Variants in LUC7L observed in about 807,000 individuals in gnomAD.
The protein encoded by LUC7L is LUC7 like.
Under a neutral mutation model 51.1 loss-of-function variants are expected in LUC7L, and 29 were observed. The observed-to-expected ratio is 0.57, with a 90% confidence interval of 0.42 to 0.77. LUC7L has a LOEUF of 0.77. LUC7L is among the 30% of genes least tolerant of loss of function. The probability of loss-of-function intolerance (pLI) is 0.00; values close to 1 mark genes in which losing one functional copy is unlikely to be tolerated. For synonymous variants in LUC7L, 181 were observed against 180.7 expected, an observed-to-expected ratio of 1.00 and a Z score of -0.01; for missense variants, 403 against 511.9, an observed-to-expected ratio of 0.79 and a Z score of 2.05.
chr16:222,640 ATTT>A (rs778095221), intron 2 of LUC7L, among the ~76,000 whole-genome samples: 4 of 142,126 alleles, frequency 2.8e-5, no homozygotes, highest in African/African-American at 5.1e-5. Flanking sequence ...TGTCTTTTTA[ATTT>A]TTTTTTTTTT....
chr16:215,090 T>C (rs2049751659), intron 3 of LUC7L, among the ~76,000 whole-genome samples: 1 of 152,088 alleles, frequency 6.6e-6, no homozygotes, highest in African/African-American at 2.4e-5. Flanking sequence ...CATCTTTTTT[T>C]TCCTCTTAAA....
chr16:190,606 A>G (rs1171011326), intron 7 of LUC7L, 36 bp from the exon 8 acceptor site: 3 of 1,606,846 alleles, frequency 1.9e-6, no homozygotes, highest in Admixed American at 1.7e-5. Flanking sequence ...AAGGCCAGGC[A>G]TGGTGGCTCA....
At chr16:197,990 C>T (rs1005235604) in intron 6 of LUC7L, among the ~76,000 whole-genome samples, 5 of 152,012 alleles carry the variant, frequency 3.3e-5, no homozygotes, top group Non-Finnish European at 5.9e-5. Flanking sequence ...AAATGTCGGC[C>T]GGGTGCGGTG....
chr16:200,037 TC>T (rs1168468365), intron 5 of LUC7L, among the ~76,000 whole-genome samples: 1 of 151,434 alleles, frequency 6.6e-6, no homozygotes, highest in Non-Finnish European at 1.5e-5. Flanking sequence ...ACGCCTGTAA[TC>T]CCAGCATTCC....
At chr16:201,156 G>A (rs1354159993) in intron 5 of LUC7L, among the ~76,000 whole-genome samples, 9 of 107,384 alleles carry the variant, frequency 8.4e-5, no homozygotes, top group Non-Finnish European at 1.2e-4. Context: ...GCGACAGAGC[G>A]AGACTCTGTC....
At chr16:218,077 CAGCT>C (rs1192382961) in intron 3 of LUC7L, among the ~76,000 whole-genome samples, 1 of 151,482 alleles carries the variant, frequency 6.6e-6, no homozygotes, top group Non-Finnish European at 1.5e-5. Flanking sequence ...CCTGTAATCC[CAGCT>C]ACTCAGGAGG....
chr16:221,638 G>C (rs2049972258), intron 2 of LUC7L, among the ~76,000 whole-genome samples: 1 of 152,084 alleles, frequency 6.6e-6, no homozygotes, highest in African/African-American at 2.4e-5. Flanking sequence ...AGGAGGTGGA[G>C]TTTGCAGTGA....
intron 4 of LUC7L, among the ~76,000 whole-genome samples, chr16:206,890 T>TA (rs67775388): frequency 0.07 from 6,949 of 99,472 alleles, 393 homozygotes; most frequent in East Asian, 0.28. Flanking sequence ...CCATCTTTAT[T>TA]AAAAAAAAAA....
intron 2 of LUC7L, among the ~76,000 whole-genome samples, chr16:222,377 CTG>C (rs2049996451): frequency 6.7e-6 from 1 of 149,718 alleles, no homozygotes; most frequent in South Asian, 2.1e-4. Flanking sequence ...TGGCACATGT[CTG>C]TAATCCCAAC....
At chr16:206,926 G>A (rs1259616181) in intron 4 of LUC7L, among the ~76,000 whole-genome samples, 1 of 148,760 alleles carries the variant, frequency 6.7e-6, no homozygotes, top group African/African-American at 2.5e-5. Flanking sequence ...ATGGCTGGGT[G>A]CAGTGGCTCA....
chr16:196,523 TAACA>T (rs113626716), intron 6 of LUC7L, among the ~76,000 whole-genome samples: 62,756 of 151,586 alleles, frequency 0.41, 14,166 homozygotes, highest in Non-Finnish European at 0.51. Flanking sequence ...TTCCAGTGGC[TAACA>T]AACAATTTTT....
intron 6 of LUC7L, among the ~76,000 whole-genome samples, chr16:193,375 G>C (rs1031478880): frequency 8.6e-5 from 13 of 151,866 alleles, no homozygotes; most frequent in Non-Finnish European, 1.9e-4. Flanking sequence ...TTGATCTCTT[G>C]ACCTTGTGAC....
intron 9 of LUC7L, 54 bp from the exon 10 acceptor site, chr16:189,393 C>T: frequency 6.4e-7 from 1 of 1,562,128 alleles, no homozygotes; most frequent in African/African-American, 1.3e-5. Flanking sequence ...CTTCTGCTGG[C>T]CGCTCAGGCA....
intron 3 of LUC7L, among the ~76,000 whole-genome samples, chr16:210,504 T>G (rs1339679785): frequency 6.6e-6 from 1 of 152,198 alleles, no homozygotes; most frequent in African/African-American, 2.4e-5. Flanking sequence ...CCTTCTCTTC[T>G]GTGCTTACCT....
At chr16:202,245 AG>A (rs58864858) in intron 5 of LUC7L, among the ~76,000 whole-genome samples, 62,398 of 151,778 alleles carry the variant, frequency 0.41, 14,023 homozygotes, top group Non-Finnish European at 0.51. Flanking sequence ...TGGCAAAAGA[AG>A]GAGTGAGACA....
chr16:224,009 C>T (rs1319752579), intron 2 of LUC7L, among the ~76,000 whole-genome samples: 1 of 151,834 alleles, frequency 6.6e-6, no homozygotes, highest in Non-Finnish European at 1.5e-5. Context: ...GGGTGTTGTC[C>T]TTTAAAATAT....
At chr16:203,417 C>A (rs1433228425) in intron 5 of LUC7L, among the ~76,000 whole-genome samples, 2 of 152,074 alleles carry the variant, frequency 1.3e-5, no homozygotes. Flanking sequence ...AAAGGTATTA[C>A]AAGAGGCCAG....
At chr16:189,643 T>A (rs74648085) in intron 9 of LUC7L, 3 of 1,311,626 alleles carry the variant, frequency 2.3e-6, no homozygotes, top group East Asian at 2.8e-5. Flanking sequence ...GAAAAAAAAA[T>A]ATCAAAAACA....
intron 5 of LUC7L, among the ~76,000 whole-genome samples, chr16:199,647 T>C (rs1285755622): frequency 6.6e-6 from 1 of 151,130 alleles, no homozygotes; most frequent in Non-Finnish European, 1.5e-5. Flanking sequence ...GGCGCATGCC[T>C]GTAATCCCAG....
Sources: gnomAD v4.1 joint callset for allele counts (sites outside exome capture counted in the v4.1 genomes callset) on GRCh38, gnomAD v4.1.1 for gene constraint, MANE v1.5 for transcripts, NCBI Gene and HGNC (gene_info 2026-07-23, HGNC 2026-07-21) for gene names.